Variants in HTT observed in about 807,000 individuals in gnomAD.
HTT encodes huntingtin.
HTT carries 104 observed loss-of-function variants against 362.3 expected under a neutral mutation model. That is an observed-to-expected ratio of 0.29 (90% CI 0.24 to 0.34). The LOEUF (loss-of-function observed/expected upper bound fraction) is 0.34, where lower values mean the gene tolerates loss of function less well. Among genes scored for constraint, HTT ranks in the 10% least tolerant of loss-of-function variants. The pLI is 1.00. For missense variants in HTT, 3,301 were observed against 3,928.6 expected (o/e 0.84, Z 4.27); for synonymous variants, 1,577 against 1,548.7 (o/e 1.02, Z -0.43).
chr4:3,098,202 T>G (rs1713962947), intron 2 of HTT, among the ~76,000 whole-genome samples: 1 of 152,244 alleles, frequency 6.6e-6, no homozygotes, highest in Non-Finnish European at 1.5e-5. Context: ...TTCATGGCTG[T>G]CTGTATTCCA....
chr4:3,236,896 A>G (rs536246823), intron 64 of HTT, among the ~76,000 whole-genome samples: 4 of 152,042 alleles, frequency 2.6e-5, no homozygotes, highest in Admixed American at 6.6e-5. Flanking sequence ...TCCTGGCGAC[A>G]TGGTGGATCT....
At position 3,208,783 on chromosome 4, in the gene HTT, C is replaced by T. The variant is rs199941479; in HGVS notation, c.6163C>T (p.Leu2055Phe). The T allele has an allele frequency of 8.2e-5, 132 of 1,609,882 alleles. No individual in the cohort carries two copies. Among genetic ancestry groups the T allele is most frequent in the Non-Finnish European group, 9.2e-5 (109 of 1,178,658 alleles). Residue 2055 changes from leucine (L) to phenylalanine (F), a missense_variant, in exon 46 of 67, where the codon CTC (leucine) becomes TTC (phenylalanine). Leu to Phe is a conservative substitution (Grantham distance 22). Coordinates refer to ENST00000355072, the MANE Select transcript of HTT (RefSeq NM_001388492.1). ...SSGLAQRHQR[L>F]YSLLDRFRLS... ...TTATTTGTATTTTAGACACCAAAGG[C>T]TCTATTCCCTGCTGGACAGGTTTCG...
chr4:3,182,154 T>C (rs996277150), intron 36 of HTT, among the ~76,000 whole-genome samples, 200 bp from the exon 37 acceptor site: 1 of 152,204 alleles, frequency 6.6e-6, no homozygotes, highest in East Asian at 1.9e-4. Flanking sequence ...CTAGAGGAAC[T>C]TGTGTTTCGT....
chr4:3,183,320 G>A (rs1304211095), intron 37 of HTT, among the ~76,000 whole-genome samples: 1 of 152,232 alleles, frequency 6.6e-6, no homozygotes, highest in Non-Finnish European at 1.5e-5. Flanking sequence ...TGTGCCCCCA[G>A]TGTAGCAGCA....
chr4:3,146,160 A>G lies in HTT; in HGVS notation c.3144-637A>G, dbSNP rs77460242. Among the ~76,000 whole-genome samples the G allele has an allele frequency of 6.7e-3, 1,024 of 152,264 alleles. 12 individuals carry two copies. Among genetic ancestry groups the G allele is most frequent in the African/African-American group, 0.022 (933 of 41,560 alleles). On this transcript the variant is annotated intron_variant, in intron 24 of 66. Coordinates refer to ENST00000355072, the MANE Select transcript of HTT (RefSeq NM_001388492.1). ...GAGTTCTATTCTCCATATCCATTCT[A>G]TGTTCTCTTAATGCTCAGTCAGCAC...
chr4:3,207,373 C>A lies in HTT; in HGVS notation c.6152+16C>A, dbSNP rs552578179. The A allele has an allele frequency of 1.3e-6, 2 of 1,599,972 alleles. No homozygotes were observed. Among genetic ancestry groups the A allele is most frequent in the Admixed American group, 3.4e-5 (2 of 58,752 alleles). The stretch of plus-strand genomic sequence containing the variant: ...TCGCTCAGAGGTAATGCTGGAAACA[C>A]AGGTCGTCCTTGTGTTAGGACAACC... On this transcript the variant is annotated intron_variant, in intron 45 of 66. Transcript: ENST00000355072.
chr4:3,235,011 G>A (rs542567987), intron 61 of HTT, among the ~76,000 whole-genome samples: 3 of 152,308 alleles, frequency 2.0e-5, no homozygotes, highest in Non-Finnish European at 2.9e-5. Context: ...GTGTGTGGTG[G>A]CCAGCATGGA....
At chr4:3,212,344 A>G (rs362335) in intron 48 of HTT, among the ~76,000 whole-genome samples, 1 of 152,198 alleles carries the variant, frequency 6.6e-6, no homozygotes, top group Non-Finnish European at 1.5e-5. Flanking sequence ...TGACATGGTC[A>G]TGGACATAGG....
At chr4:3,183,519 TTTGATTTAAACTTAGAGGCATGTGATA>T (rs1718621122) in intron 37 of HTT, among the ~76,000 whole-genome samples, 2 of 152,256 alleles carry the variant, frequency 1.3e-5, no homozygotes, top group Admixed American at 1.3e-4. Context: ...GTTTTTGGCA[TTTGATTTAAACTTAGAGGCATGTGATA>T]TTGATGTTAC....
At chr4:3,184,105 G>T (rs1718648136) in intron 37 of HTT, among the ~76,000 whole-genome samples, 1 of 152,034 alleles carries the variant, frequency 6.6e-6, no homozygotes, top group African/African-American at 2.4e-5. Flanking sequence ...AGAGTTAGGT[G>T]GTGTCTGCGG....
chr4:3,224,658 G>C (rs1165528008), intron 56 of HTT, among the ~76,000 whole-genome samples: 1 of 152,240 alleles, frequency 6.6e-6, no homozygotes, highest in Non-Finnish European at 1.5e-5. Context: ...AAAGAAGAGA[G>C]TTGTGTGGGG....
At chr4:3,080,985 A>G (rs1019292966) in intron 1 of HTT, among the ~76,000 whole-genome samples, 2 of 152,198 alleles carry the variant, frequency 1.3e-5, no homozygotes, top group African/African-American at 4.8e-5. Context: ...AGTCTTGATT[A>G]CTGAAGTTTG....
At chr4:3,096,796 CTT>C (rs950364855) in intron 2 of HTT, among the ~76,000 whole-genome samples, 2 of 152,198 alleles carry the variant, frequency 1.3e-5, no homozygotes, top group African/African-American at 4.8e-5. Context: ...CCTTTGGAAA[CTT>C]GAAAATGACA....
rs755817126 is a variant in HTT at position 3,134,484 on chromosome 4, T to C, written c.2577T>C (p.Ser859=). Residue 859 remains serine (S), a synonymous_variant, in exon 19 of 67, where the codon AGT becomes AGC. Transcript: ENST00000355072. ...LIIDVLTLRN[S]SYWLVRTELL... is the part of the protein sequence containing the mutation. ...TCGATGTGCTGACTCTGAGGAACAGTTCCTATTGGCTGGTGAGGACAGAGC... is the reference window on the plus strand; with the variant it reads ...TCGATGTGCTGACTCTGAGGAACAGCTCCTATTGGCTGGTGAGGACAGAGC... The C allele has an allele frequency of 2.5e-6, 4 of 1,614,020 alleles. No homozygotes were observed. Among genetic ancestry groups the C allele is most frequent in the East Asian group, 2.2e-5 (1 of 44,860 alleles).
chr4:3,097,239 C>G (rs1482855263), intron 2 of HTT, among the ~76,000 whole-genome samples: 1 of 151,990 alleles, frequency 6.6e-6, no homozygotes, highest in Non-Finnish European at 1.5e-5. Flanking sequence ...TCAAGAACAT[C>G]AATAAATTGG....
intron 1 of HTT, among the ~76,000 whole-genome samples, chr4:3,084,198 C>CTTTTTTTTTTTTTTTTTTTTTTTT: frequency 1.2e-5 from 1 of 81,956 alleles, no homozygotes. Context: ...AATGCTTTGT[C>CTTTTTTTTTTTTTTTTTTTTTTTT]TTTTTTTTTT....
intron 36 of HTT, 116 bp from the exon 37 acceptor site, chr4:3,182,238 A>C: frequency 1.5e-6 from 1 of 681,106 alleles, no homozygotes. Flanking sequence ...CTGGGATCAC[A>C]TCTGTTTGGA....
At chr4:3,222,297 A>AG in intron 53 of HTT, 90 bp from the exon 54 acceptor site, 1 of 1,060,272 alleles carries the variant, frequency 9.4e-7, no homozygotes, top group Non-Finnish European at 1.4e-6. Flanking sequence ...AGCCTTCTCC[A>AG]GGGGCCGTGC....
At chr4:3,169,003 ATTCT>A (rs113879546) in intron 29 of HTT, among the ~76,000 whole-genome samples, 20 of 143,566 alleles carry the variant, frequency 1.4e-4, no homozygotes, top group South Asian at 4.3e-4. Context: ...ATTTTAGGCC[ATTCT>A]TTCTTTCTTT....
Sources: allele counts gnomAD v4.1 joint callset (sites outside exome capture counted in the v4.1 genomes callset), GRCh38; gene constraint gnomAD v4.1.1; transcripts MANE v1.5; gene names NCBI Gene and HGNC (gene_info 2026-07-23, HGNC 2026-07-21).